Variants in TULP4 observed in about 807,000 individuals in gnomAD.
TULP4 encodes TUB like protein 4, also known as tubby-related protein 4.
TULP4 carries 16 observed loss-of-function variants against 129.0 expected under a neutral mutation model. The ratio of observed to expected loss-of-function variants is 0.12; its 90% confidence interval spans 0.08 to 0.19. TULP4 has a LOEUF of 0.19. TULP4 is among the 10% of genes least tolerant of loss of function. TULP4 has a pLI of 1.00. For synonymous variants in TULP4, 998 were observed against 854.0 expected (o/e 1.17, Z -2.94); for missense variants, 1,842 against 2,059.1 (o/e 0.89, Z 2.04).
intron 1 of TULP4, among the ~76,000 whole-genome samples, chr6:158,247,773 A>G (rs1165520958): frequency 6.6e-6 from 1 of 152,264 alleles, no homozygotes; most frequent in Non-Finnish European, 1.5e-5. Flanking sequence ...TGTTACGAAC[A>G]GCTATGGCAA....
At chr6:158,259,057 C>G (rs1778302081) in intron 1 of TULP4, among the ~76,000 whole-genome samples, 2 of 152,110 alleles carry the variant, frequency 1.3e-5, no homozygotes, top group South Asian at 4.1e-4. Context: ...TGGTGAAACC[C>G]CACCTCTACT....
intron 1 of TULP4, among the ~76,000 whole-genome samples, chr6:158,353,895 CTAAAGGGGTTT>C (rs1237615546): frequency 6.6e-6 from 1 of 152,218 alleles, no homozygotes; most frequent in Non-Finnish European, 1.5e-5. Flanking sequence ...TGGGCATTCC[CTAAAGGGGTTT>C]TATTTTATGT....
intron 1 of TULP4, among the ~76,000 whole-genome samples, chr6:158,291,893 G>C (rs1278691543): frequency 6.6e-6 from 1 of 152,030 alleles, no homozygotes; most frequent in South Asian, 2.1e-4. Context: ...ATAGTGTTTT[G>C]CTTTCTAATT....
At chr6:158,452,326 A>G in intron 5 of TULP4, 58 bp downstream of exon 5, 1 of 1,595,858 alleles carries the variant, frequency 6.3e-7, no homozygotes, top group Non-Finnish European at 8.5e-7. Flanking sequence ...TGCTTGCCTC[A>G]AGGCCGGTCT....
At chr6:158,237,356 C>T in intron 1 of TULP4, 2 of 1,612,540 alleles carry the variant, frequency 1.2e-6, no homozygotes, top group South Asian at 1.1e-5. Flanking sequence ...CCTTTTCCAC[C>T]TTTCTTCTTT....
rs1780673563 is a variant in TULP4 at position 158,509,105 on chromosome 6, G to A, written c.*2411G>A. ...GGGTTTTGCCATGTTGGCCAGGCTG[G>A]TCTTGAACTCCTGACCTCAGGTGAT... On this transcript the variant is annotated 3_prime_UTR_variant, in exon 14 of 14. Transcript: ENST00000367097. 1 of 151,702 alleles carries A rather than the reference G, an allele frequency of 6.6e-6. No homozygotes were observed. The highest frequency in any genetic ancestry group is 1.5e-5 in the Non-Finnish European group (1 of 68,014). The allele number at this position is 151,702 out of a possible 1,614,324, so 9.4% of individuals were successfully genotyped here.
At position 158,509,945 on chromosome 6, in the gene TULP4, A is replaced by G. The variant is rs1291715986; in HGVS notation, c.*3251A>G. The G allele has an allele frequency of 6.6e-6, 1 of 152,254 alleles. No individual in the cohort carries two copies. The highest frequency in any genetic ancestry group is 1.5e-5 in the Non-Finnish European group (1 of 68,044). The allele number at this position is 152,254 out of a possible 1,614,324, so 9.4% of individuals were successfully genotyped here. A position where few individuals can be genotyped will look rare whatever the true frequency, so the allele number is the denominator to read the frequency against. ...TATGCAGGAGATTTCTAAAAATTTA[A>G]TGTTTATTAATAGTTTATGAATATC... On this transcript the variant is annotated 3_prime_UTR_variant, in exon 14 of 14. Transcript: ENST00000367097.
chr6:158,328,079 GGTGTGTGTGTGTGTGT>G (rs766393090), intron 1 of TULP4, among the ~76,000 whole-genome samples: 250 of 120,576 alleles, frequency 2.1e-3, no homozygotes, highest in African/African-American at 3.0e-3. Context: ...TCTCAGAGCT[GGTGTGTGTGTGTGTGT>G]GTGTGTGTGT....
At chr6:158,475,436 G>A (rs1779796196) in intron 6 of TULP4, among the ~76,000 whole-genome samples, 1 of 152,258 alleles carries the variant, frequency 6.6e-6, no homozygotes, top group African/African-American at 2.4e-5. Context: ...AATGTCATCT[G>A]CTTCACAGTT....
chr6:158,419,355 T>C (rs1778285523), intron 2 of TULP4, among the ~76,000 whole-genome samples: 2 of 152,240 alleles, frequency 1.3e-5, no homozygotes, highest in South Asian at 4.1e-4. Flanking sequence ...AAAAGCTAAA[T>C]GTTTGTAGCT....
At chr6:158,279,706 G>A (rs1049225198), upstream of TULP4, among the ~76,000 whole-genome samples, 11 of 152,240 alleles carry the variant, frequency 7.2e-5, no homozygotes, top group African/African-American at 2.7e-4. Context: ...TTGGGAACGT[G>A]TCCTTGGCCT....
Position 158,503,193 on chromosome 6 carries a change from C to G in TULP4, c.3530C>G (p.Pro1177Arg). The change falls in exon 13 of 14, where the codon CCC becomes CGC. Residue 1177 changes from proline to arginine, a missense_variant. This residue lies in a region of TULP4 where 1,089 missense variants were observed against 987.1 expected (regional missense o/e 1.10). Coordinates refer to ENST00000367097, the MANE Select transcript of TULP4 (RefSeq NM_020245.5). The surrounding 1 kb of genome is among the most constrained non-coding windows in gnomAD (Gnocchi z 4.3). Reference sequence around the variant, plus strand: ...ATCTCCCCCAAGTCTCCTGCCAGCCCCACTGCCACTTTCCAAACAGGCTAT... The same window carrying G: ...ATCTCCCCCAAGTCTCCTGCCAGCCGCACTGCCACTTTCCAAACAGGCTAT... The part of the protein sequence containing the change: ...PFISPKSPAS[P>R]TATFQTGYGM... 5.6e-6 allele frequency: 9 copies of G among 1,614,024 alleles called. No homozygotes were observed. Among genetic ancestry groups the G allele is most frequent in the Non-Finnish European group, 6.8e-6 (8 of 1,179,920 alleles).
chr6:158,507,324 G>A lies in TULP4; in HGVS notation c.*630G>A, dbSNP rs915203605. 3.9e-5 allele frequency: 6 copies of A among 153,990 alleles called. No individual in the cohort carries two copies. The highest frequency in any genetic ancestry group is 1.2e-4 in the African/African-American group (5 of 41,442). 9.5% of individuals were successfully genotyped at this position (153,990 alleles called of 1,614,324 possible). A position where few individuals can be genotyped will look rare whatever the true frequency, so the allele number is the denominator to read the frequency against. ...ATGCGATTTGCTCACTGAGGATGTT[G>A]GGGAAGGGACGAAGGGTAAAGAAGA... is the stretch of plus-strand genomic sequence containing the variant. On this transcript the variant is annotated 3_prime_UTR_variant, in exon 14 of 14. Coordinates refer to ENST00000367097, the MANE Select transcript of TULP4 (RefSeq NM_020245.5).
intron 1 of TULP4, among the ~76,000 whole-genome samples, chr6:158,400,442 C>T (rs887077273): frequency 1.3e-5 from 2 of 152,104 alleles, no homozygotes; most frequent in African/African-American, 2.4e-5. Context: ...TTCTATTATA[C>T]AGTAACATCT....
At chr6:158,244,223 A>G (rs1777983194) in intron 1 of TULP4, among the ~76,000 whole-genome samples, 1 of 152,116 alleles carries the variant, frequency 6.6e-6, no homozygotes, top group African/African-American at 2.4e-5. Flanking sequence ...TTGCTTTACG[A>G]TATGATGAGA....
rs1000338170 is a variant in TULP4 at position 158,425,046 on chromosome 6, C to A, written c.382-4690C>A. On this transcript the variant is annotated intron_variant, in intron 2 of 13. Coordinates refer to ENST00000367097, the MANE Select transcript of TULP4 (RefSeq NM_020245.5). The stretch of plus-strand genomic sequence containing the variant: ...GTGGGCGCCTGTATTCGCAGCTACT[C>A]GGGAGGCTGAGGCAGGAGAATTGTT... 6.1e-5 allele frequency among the ~76,000 whole-genome samples: 9 copies of A among 148,674 alleles called. No individual in the cohort carries two copies. In the Middle Eastern group the frequency reaches 0.011, roughly 181 times the overall value.
At chr6:158,242,418 A>G in intron 1 of TULP4, 1 of 1,257,270 alleles carries the variant, frequency 8.0e-7, no homozygotes, top group African/African-American at 1.5e-5. Flanking sequence ...GGAGTTTCGG[A>G]CGAGATCTCT....
chr6:158,319,100 C>A (rs1779563360), intron 1 of TULP4, among the ~76,000 whole-genome samples: 1 of 152,078 alleles, frequency 6.6e-6, no homozygotes, highest in Admixed American at 6.6e-5. Context: ...ATAATTGTTT[C>A]AATGGCAAGA....
chr6:158,249,828 T>C (rs1778105358), intron 1 of TULP4, among the ~76,000 whole-genome samples: 1 of 152,224 alleles, frequency 6.6e-6, no homozygotes, highest in Non-Finnish European at 1.5e-5. Context: ...TTATTTAAAG[T>C]TTTTGACCAA....
Sources: allele counts gnomAD v4.1 joint callset (sites outside exome capture counted in the v4.1 genomes callset), GRCh38; gene constraint gnomAD v4.1.1; regional missense constraint gnomAD v4.1.1; non-coding constraint Gnocchi (gnomAD v3.1); transcripts MANE v1.5; gene names NCBI Gene and HGNC (gene_info 2026-07-23, HGNC 2026-07-21).